FAM240B: variants seen among roughly 807,000 people sequenced by gnomAD.
FAM240B encodes protein FAM240B.
chr9:38,706,716 C>A (rs1401029038), intron 1 of FAM240B, among the ~76,000 whole-genome samples: 1 of 152,178 alleles, frequency 6.6e-6, no homozygotes, highest in Non-Finnish European at 1.5e-5. Context: ...TCTCTGCACC[C>A]TGGGACTGTC....
chr9:38,695,503 C>T (rs772792602), intron 2 of FAM240B, among the ~76,000 whole-genome samples: 1 of 152,026 alleles, frequency 6.6e-6, no homozygotes, highest in East Asian at 1.9e-4. Flanking sequence ...CCAGCCTGGG[C>T]GACAGAGCAA....
intron 1 of FAM240B, chr9:38,705,583 C>T (rs1335738705): frequency 1.9e-5 from 1 of 53,384 alleles, no homozygotes; most frequent in Non-Finnish European, 3.6e-5. Flanking sequence ...AGCAAGACTC[C>T]AACTCAAAAA....
At chr9:38,708,706 C>T (rs969260559) in intron 1 of FAM240B, among the ~76,000 whole-genome samples, 1 of 152,192 alleles carries the variant, frequency 6.6e-6, no homozygotes, top group Non-Finnish European at 1.5e-5. Flanking sequence ...CCACATGCCA[C>T]ATGCTTGTTC....
chr9:38,717,638 AC>A, intron 1 of FAM240B, among the ~76,000 whole-genome samples: 1 of 151,548 alleles, frequency 6.6e-6, no homozygotes, highest in Admixed American at 6.6e-5. Context: ...CCGCCGCCAC[AC>A]CCGGCTAATT....
chr9:38,698,642 C>T (rs1033316928), intron 2 of FAM240B, among the ~76,000 whole-genome samples: 1 of 152,164 alleles, frequency 6.6e-6, no homozygotes, highest in African/African-American at 2.4e-5. Flanking sequence ...CAAAAAATCT[C>T]ATACACATCT....
At chr9:38,699,948 C>T (rs952756822) in intron 2 of FAM240B, among the ~76,000 whole-genome samples, 5 of 152,212 alleles carry the variant, frequency 3.3e-5, no homozygotes, top group African/African-American at 1.2e-4. Flanking sequence ...ACTCCATTCT[C>T]GTAGGCAGGA....
At chr9:38,717,777 C>T (rs1056735245) in intron 1 of FAM240B, among the ~76,000 whole-genome samples, 5 of 152,244 alleles carry the variant, frequency 3.3e-5, no homozygotes, top group East Asian at 1.9e-4. Flanking sequence ...CCACTGCTCC[C>T]GGCCAAGAGT....
In FAM240B at chr9:38,695,604, A is replaced by G. The variant is rs536740518; in HGVS notation, c.144-735T>C. Among the ~76,000 whole-genome samples the G allele has an allele frequency of 3.3e-4, 51 of 152,320 alleles. No individual in the cohort carries two copies. In the South Asian group the frequency reaches 8.9e-3, roughly 27 times the overall value. On this transcript the variant is annotated intron_variant, in intron 2 of 2. Coordinates refer to ENST00000637493, the MANE Select transcript of FAM240B (RefSeq NM_001394922.1). ...ATAGTCACAAGGGCATAGTCTATGG[A>G]TAGATGGCTTTATCCCAAATGTAAT...
chr9:38,715,030 A>C (rs1821292482), intron 1 of FAM240B, among the ~76,000 whole-genome samples: 1 of 152,242 alleles, frequency 6.6e-6, no homozygotes, highest in African/African-American at 2.4e-5. Context: ...GTATATGGGA[A>C]CACTCTGTAC....
chr9:38,709,537 C>T (rs895952944), intron 1 of FAM240B, among the ~76,000 whole-genome samples: 1 of 152,162 alleles, frequency 6.6e-6, no homozygotes, highest in African/African-American at 2.4e-5. Context: ...TAGCTCTATG[C>T]CATATGCATA....
intron 1 of FAM240B, among the ~76,000 whole-genome samples, chr9:38,708,932 C>T (rs10814740): frequency 0.26 from 39,072 of 152,038 alleles, 5,610 homozygotes; most frequent in Admixed American, 0.33. Context: ...AGAGGCTTCC[C>T]GTCTTGTCCC....
At chr9:38,715,645 C>T (rs1821296844) in intron 1 of FAM240B, among the ~76,000 whole-genome samples, 1 of 152,220 alleles carries the variant, frequency 6.6e-6, no homozygotes, top group Admixed American at 6.5e-5. Flanking sequence ...ATTTTTAAAA[C>T]ATTATGTAAT....
At chr9:38,717,886 A>T (rs947253888) in intron 1 of FAM240B, among the ~76,000 whole-genome samples, 2 of 152,188 alleles carry the variant, frequency 1.3e-5, no homozygotes, top group African/African-American at 4.8e-5. Context: ...TTCAAAAAGC[A>T]CTGAAGGATA....
chr9:38,702,809 A>G (rs899020188), intron 2 of FAM240B, among the ~76,000 whole-genome samples: 3 of 152,200 alleles, frequency 2.0e-5, no homozygotes, highest in African/African-American at 7.2e-5. Context: ...ACATATACAC[A>G]TCCGTCAACC....
At chr9:38,711,661 T>TC (rs1231644560) in intron 1 of FAM240B, among the ~76,000 whole-genome samples, 2 of 5,646 alleles carry the variant, frequency 3.5e-4, no homozygotes, top group Non-Finnish European at 1.3e-3. Context: ...TTCTTCTTCT[T>TC]TTTTTTTTTT....
chr9:38,708,040 A>G (rs1424550701), intron 1 of FAM240B, among the ~76,000 whole-genome samples: 2 of 152,080 alleles, frequency 1.3e-5, no homozygotes, highest in Non-Finnish European at 2.9e-5. Flanking sequence ...CAGTGGCACT[A>G]GGTCTTGAAG....
chr9:38,713,559 C>T (rs1821279877), intron 1 of FAM240B, among the ~76,000 whole-genome samples: 1 of 148,152 alleles, frequency 6.7e-6, no homozygotes, highest in Non-Finnish European at 1.5e-5. Context: ...CTGTAAAGGT[C>T]AGTATTGAAT....
chr9:38,701,925 A>ATCTG (rs1202344255), intron 2 of FAM240B, among the ~76,000 whole-genome samples: 6 of 145,310 alleles, frequency 4.1e-5, no homozygotes, highest in Admixed American at 4.1e-4. Context: ...CACACACACA[A>ATCTG]TCTGTCATCT....
At chr9:38,697,454 C>A (rs1389103672) in intron 2 of FAM240B, among the ~76,000 whole-genome samples, 1 of 152,158 alleles carries the variant, frequency 6.6e-6, no homozygotes, top group Non-Finnish European at 1.5e-5. Flanking sequence ...TTCTTTTTCT[C>A]CTTCATGGAG....
Sources: allele counts gnomAD v4.1 joint callset (sites outside exome capture counted in the v4.1 genomes callset), GRCh38; gene constraint gnomAD v4.1.1; transcripts MANE v1.5; gene names NCBI Gene and HGNC (gene_info 2026-07-23, HGNC 2026-07-21).